CHORDC1: variants seen among roughly 807,000 people sequenced by gnomAD.
CHORDC1 encodes the protein cysteine and histidine rich domain containing 1, also known as cysteine and histidine-rich domain-containing protein 1.
In CHORDC1, 25 loss-of-function variants were observed where a neutral mutation model predicts 48.3. That is an observed-to-expected ratio of 0.52 (90% CI 0.38 to 0.72). The LOEUF (loss-of-function observed/expected upper bound fraction) is 0.72, where lower values mean the gene tolerates loss of function less well. Among genes scored for constraint, CHORDC1 ranks in the 30% least tolerant of loss-of-function variants. The pLI is 0.00. For missense variants in CHORDC1, 317 were observed against 388.7 expected, an observed-to-expected ratio of 0.82 and a Z score of 1.55; for synonymous variants, 128 against 126.4, an observed-to-expected ratio of 1.01 and a Z score of -0.09.
intron 2 of CHORDC1, 93 bp from the exon 3 acceptor site, chr11:90,215,323 C>T (rs1800473593): frequency 5.3e-6 from 4 of 755,208 alleles, no homozygotes; most frequent in Non-Finnish European, 8.4e-6. Context: ...TACTTGAATC[C>T]TGCAGTAACT....
intron 6 of CHORDC1, chr11:90,208,262 G>C (rs978001379): frequency 1.1e-4 from 16 of 152,104 alleles, no homozygotes; most frequent in African/African-American, 3.9e-4. Context: ...GTGAAACCTT[G>C]TCTCTAGTAA....
chr11:90,207,005 T>A (rs1435927250), intron 6 of CHORDC1: 2 of 336,342 alleles, frequency 5.9e-6, no homozygotes, highest in African/African-American at 4.3e-5. Flanking sequence ...ACTCAGTATG[T>A]TAGCATCTAC....
At chr11:90,220,216 T>C (rs1858132273) in intron 1 of CHORDC1, among the ~76,000 whole-genome samples, 1 of 152,190 alleles carries the variant, frequency 6.6e-6, no homozygotes, top group African/African-American at 2.4e-5. Flanking sequence ...TGCCTCAAAA[T>C]TTACTACTGG....
rs1045861 is a variant in CHORDC1, at chr11:90,202,418, G to T, written c.986C>A (p.Ala329Asp). Residue 329 changes from alanine to aspartate, a missense_variant, in exon 11 of 11, where the codon GCC becomes GAC. Coordinates refer to ENST00000320585, the MANE Select transcript of CHORDC1 (RefSeq NM_012124.3). ...TCCATCTCCCACTCAATCTGTTGTG[G>T]CATCTTTTTGTTTTTCCTGCTTTTT... ...AAKKQEKQKDATTD is the reference protein window; with the variant it reads ...AAKKQEKQKDDTTD The T allele has an allele frequency of 0.69, 1,110,690 of 1,610,200 alleles. 386,586 individuals carry two copies. Among genetic ancestry groups the T allele is most frequent in the South Asian group, 0.76 (68,977 of 90,940 alleles).
At chr11:90,214,204 C>A in intron 3 of CHORDC1, 29 bp from the exon 4 acceptor site, 1 of 1,501,396 alleles carries the variant, frequency 6.7e-7, no homozygotes, top group South Asian at 1.3e-5. Flanking sequence ...TCATTAAGAG[C>A]TATCTATTTT....
chr11:90,211,335 C>A lies in CHORDC1; in HGVS notation c.330-17G>T, dbSNP rs1857854535. The A allele has an allele frequency of 2.7e-6, 4 of 1,477,610 alleles. No individual in the cohort carries two copies. In the African/African-American group the frequency reaches 4.2e-5, roughly 15 times the overall value. 91.5% of individuals were successfully genotyped at this position (1,477,610 alleles called of 1,614,324 possible). On this transcript the variant is annotated splice_polypyrimidine_tract_variant and intron_variant, in intron 4 of 10. Transcript: ENST00000320585. ...TCATCTGGGCTGGAGAATTTTGAAACCTTATTACCATTATTAATATACCAA... is the reference window on the plus strand; with the variant it reads ...TCATCTGGGCTGGAGAATTTTGAAAACTTATTACCATTATTAATATACCAA...
In CHORDC1 at chr11:90,218,115, A is replaced by C; in HGVS notation, c.114+20T>G. 1 of 1,534,290 alleles carries C rather than the reference A, an allele frequency of 6.5e-7. No homozygotes were observed. On this transcript the variant is annotated intron_variant, in intron 2 of 10. Coordinates refer to ENST00000320585, the MANE Select transcript of CHORDC1 (RefSeq NM_012124.3). Reference sequence around the variant, plus strand: ...CAATTTACTACACAGATATGAAAAAAATGAAAATATAGTTCCTACCTTTAA... The same window carrying C: ...CAATTTACTACACAGATATGAAAAACATGAAAATATAGTTCCTACCTTTAA...
At chr11:90,216,964 A>G (rs892146426) in intron 2 of CHORDC1, among the ~76,000 whole-genome samples, 1 of 152,234 alleles carries the variant, frequency 6.6e-6, no homozygotes, top group Non-Finnish European at 1.5e-5. Context: ...TAAAACAAAA[A>G]TATCAGAAGA....
chr11:90,207,772 A>AAC (rs1857739361), intron 6 of CHORDC1: 1 of 148,732 alleles, frequency 6.7e-6, no homozygotes, highest in South Asian at 2.1e-4. Context: ...AAAAAAAAAA[A>AAC]AAAAAACAAA....
intron 1 of CHORDC1, among the ~76,000 whole-genome samples, chr11:90,221,577 G>C (rs554625230): frequency 6.6e-6 from 1 of 152,224 alleles, no homozygotes; most frequent in African/African-American, 2.4e-5. Flanking sequence ...TATTAAAGTA[G>C]AATATCTGCA....
chr11:90,213,917 TAGTAGCTACAA>T, intron 4 of CHORDC1, 90 bp downstream of exon 4: 2 of 1,021,022 alleles, frequency 2.0e-6, no homozygotes, highest in Non-Finnish European at 1.4e-6. Context: ...GTGGCCTACA[TAGTAGCTACAA>T]ATGGTATCAT....
intron 5 of CHORDC1, 152 bp downstream of exon 5, chr11:90,211,063 G>A (rs1209981014): frequency 7.8e-6 from 4 of 512,856 alleles, no homozygotes; most frequent in Middle Eastern, 5.4e-4. Flanking sequence ...AGTATTTGTA[G>A]TTTATCATAT....
Position 90,203,321 on chromosome 11 carries a change from G to C in CHORDC1, c.776C>G (p.Ala259Gly). 6.3e-7 allele frequency: 1 copy of C among 1,592,440 alleles called. No homozygotes were observed. Among genetic ancestry groups the C allele is most frequent in the Non-Finnish European group, 8.6e-7 (1 of 1,165,596 alleles). ...NSLPELSRVE[A>G]NSTLLNVHIV... ...AGATGTACTTACCAATGTGCTATTT[G>C]CTTCTACTCGGCTAAGTTCTGGAAG... The change falls in exon 9 of 11, where the codon GCA becomes GGA. Residue 259 changes from alanine to glycine, a missense_variant. Coordinates refer to ENST00000320585, the MANE Select transcript of CHORDC1 (RefSeq NM_012124.3).
At chr11:90,207,272 T>A (rs1857722643) in intron 6 of CHORDC1, 1 of 88,460 alleles carries the variant, frequency 1.1e-5, no homozygotes. Context: ...GCCTTCGACT[T>A]CTATTTTCTA....
chr11:90,203,166 GTAATT>G, intron 9 of CHORDC1, 137 bp downstream of exon 9: 4 of 831,006 alleles, frequency 4.8e-6, no homozygotes, highest in Admixed American at 2.8e-5. Context: ...TTTCATAGAA[GTAATT>G]TAATTTTTTT....
At chr11:90,207,873 C>T (rs1857746603) in intron 6 of CHORDC1, 1 of 150,312 alleles carries the variant, frequency 6.7e-6, no homozygotes, top group Non-Finnish European at 1.5e-5. Context: ...AATACAACCA[C>T]CTTGGAAAAC....
intron 1 of CHORDC1, among the ~76,000 whole-genome samples, chr11:90,220,703 CCTTT>C (rs571533959): frequency 1.6e-4 from 24 of 152,120 alleles, no homozygotes; most frequent in East Asian, 7.8e-4. Flanking sequence ...TAATATCCAT[CCTTT>C]CTTTATCAGT....
At chr11:90,204,500 C>T (rs1202302286) in intron 8 of CHORDC1, among the ~76,000 whole-genome samples, 1 of 152,094 alleles carries the variant, frequency 6.6e-6, no homozygotes, top group Non-Finnish European at 1.5e-5. Flanking sequence ...GCGGGTGGAT[C>T]ACGAGGTCAG....
chr11:90,203,473 T>G (rs745582994), intron 8 of CHORDC1, 46 bp from the exon 9 acceptor site: 2 of 1,480,928 alleles, frequency 1.4e-6, no homozygotes, highest in African/African-American at 2.7e-5. Context: ...TGCCACATAA[T>G]TAATTTCTTA....
Sources: gnomAD v4.1 joint callset for allele counts (sites outside exome capture counted in the v4.1 genomes callset) on GRCh38, gnomAD v4.1.1 for gene constraint, MANE v1.5 for transcripts, NCBI Gene and HGNC (gene_info 2026-07-23, HGNC 2026-07-21) for gene names.